The following NELL2 variants were observed in gnomAD, a reference collection of about 807,000 sequenced individuals.
NELL2 encodes protein kinase C-binding protein NELL2.
A neutral mutation model predicts 109.6 loss-of-function variants in NELL2; 41 were observed. The observed-to-expected ratio is 0.37, with a 90% CI of 0.29 to 0.49. The LOEUF is 0.49. Ranked by LOEUF, NELL2 falls within the 20% of genes least tolerant of loss-of-function variation. The pLI is 0.98. For synonymous variants in NELL2, 355 were observed against 344.7 expected, an observed-to-expected ratio of 1.03 and a Z score of -0.33; for missense variants, 900 against 1,008.3, an observed-to-expected ratio of 0.89 and a Z score of 1.45.
chr12:44,723,143 C>G (rs1175616437), intron 9 of NELL2, among the ~76,000 whole-genome samples: 2 of 151,314 alleles, frequency 1.3e-5, no homozygotes, highest in Non-Finnish European at 2.9e-5. Flanking sequence ...GAGCCGAGAT[C>G]GCACCACACT....
chr12:44,880,081 A>C (rs1313041055), upstream of NELL2, among the ~76,000 whole-genome samples: 3 of 151,374 alleles, frequency 2.0e-5, no homozygotes, highest in African/African-American at 7.3e-5. Context: ...TATTACACTG[A>C]GATAAAAGAC....
chr12:44,818,945 T>G (rs555695556), intron 2 of NELL2, among the ~76,000 whole-genome samples: 72 of 151,518 alleles, frequency 4.8e-4, no homozygotes, highest in African/African-American at 1.6e-3. Context: ...GGTTTCACCT[T>G]GTTAGCCAGG....
chr12:44,569,199 C>A (rs1943769254), intron 15 of NELL2, among the ~76,000 whole-genome samples: 1 of 152,146 alleles, frequency 6.6e-6, no homozygotes. Context: ...AATATTCCTG[C>A]AGAGGACATG....
At chr12:44,616,504 T>C (rs1236598427) in intron 13 of NELL2, among the ~76,000 whole-genome samples, 1 of 152,076 alleles carries the variant, frequency 6.6e-6, no homozygotes, top group African/African-American at 2.4e-5. Flanking sequence ...CCTAGAAACC[T>C]GAGAAAAAGC....
At chr12:44,692,400 C>T (rs1948929278) in intron 12 of NELL2, among the ~76,000 whole-genome samples, 1 of 152,094 alleles carries the variant, frequency 6.6e-6, no homozygotes. Flanking sequence ...CTTAGTCACC[C>T]AAGAGCTCTG....
intron 15 of NELL2, among the ~76,000 whole-genome samples, chr12:44,576,509 A>G (rs7134690): frequency 6.6e-6 from 1 of 151,918 alleles, no homozygotes; most frequent in Admixed American, 6.5e-5. Context: ...GGAGACATCT[A>G]TCTTATGATG....
chr12:44,695,473 G>A (rs532296381), intron 12 of NELL2, among the ~76,000 whole-genome samples: 9 of 152,242 alleles, frequency 5.9e-5, no homozygotes, highest in African/African-American at 1.7e-4. Context: ...TGAGTGGGAT[G>A]GTCACTTGAG....
intron 3 of NELL2, among the ~76,000 whole-genome samples, chr12:44,814,597 G>C (rs1039715833): frequency 2.0e-5 from 3 of 152,174 alleles, no homozygotes; most frequent in African/African-American, 7.2e-5. Context: ...CCAGTTACCA[G>C]GTGAGTGTTA....
intron 16 of NELL2, among the ~76,000 whole-genome samples, chr12:44,531,924 G>T (rs894789122): frequency 9.2e-5 from 14 of 152,080 alleles, no homozygotes; most frequent in Admixed American, 9.2e-4. Flanking sequence ...TGTCTGCCTG[G>T]TTTCTAAAAA....
chr12:44,799,660 G>A (rs897157232), intron 3 of NELL2, among the ~76,000 whole-genome samples: 28 of 152,042 alleles, frequency 1.8e-4, no homozygotes, highest in East Asian at 3.9e-4. Flanking sequence ...TTAAGAGTTT[G>A]TTCATTTAAA....
chr12:44,697,048 T>C (rs1202042627), intron 12 of NELL2, among the ~76,000 whole-genome samples: 1 of 152,216 alleles, frequency 6.6e-6, no homozygotes, highest in African/African-American at 2.4e-5. Context: ...ATAACGAATG[T>C]AACCAACTTT....
intron 3 of NELL2, among the ~76,000 whole-genome samples, chr12:44,793,132 T>C (rs1020438450): frequency 7.9e-5 from 12 of 152,132 alleles, no homozygotes; most frequent in Non-Finnish European, 1.3e-4. Flanking sequence ...ACTCTGTATG[T>C]GTATGTGTGT....
chr12:44,832,044 A>C (rs994640622), intron 2 of NELL2, among the ~76,000 whole-genome samples: 1 of 152,146 alleles, frequency 6.6e-6, no homozygotes, highest in Non-Finnish European at 1.5e-5. Flanking sequence ...TCTGTATAAA[A>C]ACAGAGAGTA....
At chr12:44,766,583 A>C (rs1214519499) in intron 9 of NELL2, among the ~76,000 whole-genome samples, 1 of 152,228 alleles carries the variant, frequency 6.6e-6, no homozygotes, top group East Asian at 1.9e-4. Context: ...GGAGATAAAA[A>C]GTTGCATTTT....
rs538825816 is a variant in NELL2 at position 44,557,176 on chromosome 12, C to G, written c.1664-24455G>C. Among the ~76,000 whole-genome samples, 5 of 152,276 alleles carry G rather than the reference C, an allele frequency of 3.3e-5. No homozygotes were observed. In the South Asian group the frequency reaches 6.2e-4, roughly 19 times the overall value. ...CTTGAACCAGGGCCCCCCACCTCTG[C>G]TTTGGAAAGTTTATCTTTGGATCCT... On this transcript the variant is annotated intron_variant, in intron 15 of 19. Coordinates refer to ENST00000429094, the MANE Select transcript of NELL2 (RefSeq NM_001145108.2).
chr12:44,583,301 A>G (rs186121541), intron 15 of NELL2, among the ~76,000 whole-genome samples: 1 of 152,260 alleles, frequency 6.6e-6, no homozygotes, highest in Admixed American at 6.5e-5. Context: ...CCTAACCACT[A>G]ATGTTCACAC....
intron 12 of NELL2, among the ~76,000 whole-genome samples, chr12:44,674,296 G>A (rs1948236595): frequency 6.6e-6 from 1 of 152,062 alleles, no homozygotes; most frequent in African/African-American, 2.4e-5. Flanking sequence ...AACAACATGA[G>A]TTCCTACATT....
Position 44,540,147 on chromosome 12 carries a change from A to G in NELL2, c.1664-7426T>C, listed in dbSNP as rs1942485344. The stretch of plus-strand genomic sequence containing the variant: ...ATATGTATTTTTAAACAAAAAGAAT[A>G]CATCAACACCTCTGATTAAAATGAA... On this transcript the variant is annotated intron_variant, in intron 15 of 19. Transcript: ENST00000429094. Among the ~76,000 whole-genome samples the G allele has an allele frequency of 3.9e-5, 6 of 152,204 alleles. No individual in the cohort carries two copies. In the South Asian group the frequency reaches 1.2e-3, roughly 32 times the overall value.
At chr12:44,575,691 T>C (rs1944047846) in intron 15 of NELL2, among the ~76,000 whole-genome samples, 1 of 152,202 alleles carries the variant, frequency 6.6e-6, no homozygotes, top group Non-Finnish European at 1.5e-5. Context: ...GCACTGAGCA[T>C]AGGGTTTGCT....
Sources: allele counts gnomAD v4.1 joint callset (sites outside exome capture counted in the v4.1 genomes callset), GRCh38; gene constraint gnomAD v4.1.1; transcripts MANE v1.5; gene names NCBI Gene and HGNC (gene_info 2026-07-23, HGNC 2026-07-21).